The following LGSN variants were observed in gnomAD, a reference collection of about 807,000 sequenced individuals.
The protein encoded by LGSN is lengsin, lens protein with glutamine synthetase domain, also known as lengsin.
Under a neutral mutation model 19.5 loss-of-function variants are expected in LGSN, and 21 were observed. The observed-to-expected ratio is 1.07, with a 90% confidence interval of 0.76 to 1.55. The LOEUF (loss-of-function observed/expected upper bound fraction) is 1.55. Among genes scored for constraint, LGSN ranks in the 40% most tolerant of loss-of-function variants. The probability of loss-of-function intolerance (pLI) is 0.00; values close to 1 mark genes in which losing one functional copy is unlikely to be tolerated. For synonymous variants in LGSN, 257 were observed against 215.6 expected, an observed-to-expected ratio of 1.19 and a Z score of -1.68; for missense variants, 673 against 608.5, an observed-to-expected ratio of 1.11 and a Z score of -1.12.
In LGSN at chr6:63,285,666, C is replaced by A. The variant is rs770492942; in HGVS notation, c.251G>T (p.Arg84Leu). The A allele has an allele frequency of 3.7e-6, 6 of 1,613,674 alleles. No individual in the cohort carries two copies. In the African/African-American group the frequency reaches 6.7e-5, roughly 18 times the overall value. Reference protein sequence around the residue: ...KHIRQAMAKNRLQFVRFEATD... With the variant: ...KHIRQAMAKNLLQFVRFEATD... ...TGCTTCAAATCGTACAAACTGGAGG[C>A]GATTTTTGGCCATGGCTTGTCTAAT... Residue 84 changes from arginine (R) to leucine (L), a missense_variant, in exon 3 of 4, where the codon CGC becomes CTC. Physicochemically the swap from Arg to Leu is moderately radical, Grantham distance 102. Transcript: ENST00000370657.
intron 1 of LGSN, among the ~76,000 whole-genome samples, chr6:63,316,063 G>A (rs1183951536): frequency 6.6e-6 from 1 of 152,036 alleles, no homozygotes; most frequent in Non-Finnish European, 1.5e-5. Context: ...TCATCTCCAA[G>A]CACATTTGTG....
the LGSN span, among the ~76,000 whole-genome samples, chr6:63,404,288 A>C: frequency 0.11 from 17,479 of 152,116 alleles, 1,988 homozygotes; most frequent in African/African-American, 0.3. Context: ...AACTTTGATA[A>C]AAATGCGTTA....
the LGSN span, among the ~76,000 whole-genome samples, chr6:63,547,701 C>T: frequency 4.1e-5 from 6 of 147,822 alleles, no homozygotes; most frequent in Middle Eastern, 3.7e-3. Flanking sequence ...TCAGTAGAGA[C>T]GGGGTTTCAC....
chr6:63,504,752 T>C, the LGSN span, among the ~76,000 whole-genome samples: 15 of 152,316 alleles, frequency 9.8e-5, no homozygotes, highest in African/African-American at 3.4e-4. Flanking sequence ...CTGAAAATCA[T>C]TTTTTATGAC....
chr6:63,545,797 G>C, the LGSN span, among the ~76,000 whole-genome samples: 2 of 151,932 alleles, frequency 1.3e-5, no homozygotes, highest in Non-Finnish European at 2.9e-5. Flanking sequence ...ATTCATTCTA[G>C]CTTTCCCATG....
At chr6:63,375,238 T>C in the LGSN span, among the ~76,000 whole-genome samples, 2 of 152,040 alleles carry the variant, frequency 1.3e-5, no homozygotes, top group African/African-American at 2.4e-5. Flanking sequence ...CCAGAGCTGA[T>C]AAAAAGCAGT....
At chr6:63,336,228 GAA>G in the LGSN span, among the ~76,000 whole-genome samples, 1 of 152,184 alleles carries the variant, frequency 6.6e-6, no homozygotes, top group Non-Finnish European at 1.5e-5. Context: ...TAAAGAGCTA[GAA>G]GAGAGGACTT....
chr6:63,302,474 G>A (rs1768219562), intron 1 of LGSN, among the ~76,000 whole-genome samples: 1 of 152,184 alleles, frequency 6.6e-6, no homozygotes, highest in Non-Finnish European at 1.5e-5. Context: ...GATAACTCTA[G>A]AATGATATAC....
At chr6:63,539,246 T>A in the LGSN span, among the ~76,000 whole-genome samples, 1 of 152,202 alleles carries the variant, frequency 6.6e-6, no homozygotes, top group Non-Finnish European at 1.5e-5. Flanking sequence ...AGAATTTGTT[T>A]AAAATTACAT....
At chr6:63,370,165 C>G in the LGSN span, among the ~76,000 whole-genome samples, 1 of 152,158 alleles carries the variant, frequency 6.6e-6, no homozygotes, top group Non-Finnish European at 1.5e-5. Context: ...ACTATTCATG[C>G]CAGGTAACAT....
At chr6:63,289,829 G>A (rs1355380076) in intron 2 of LGSN, among the ~76,000 whole-genome samples, 1 of 152,024 alleles carries the variant, frequency 6.6e-6, no homozygotes, top group Non-Finnish European at 1.5e-5. Context: ...GAAAACTCTG[G>A]AATACATTCA....
chr6:63,545,553 G>A, the LGSN span, among the ~76,000 whole-genome samples: 18 of 152,118 alleles, frequency 1.2e-4, no homozygotes, highest in Admixed American at 1.0e-3. Flanking sequence ...AGAGGTTGCA[G>A]TGAGCCGAGA....
chr6:63,474,702 A>G, the LGSN span, among the ~76,000 whole-genome samples: 1 of 151,516 alleles, frequency 6.6e-6, no homozygotes, highest in African/African-American at 2.4e-5. Flanking sequence ...CAGGAGGATC[A>G]CCTGAGGTCA....
intron 1 of LGSN, among the ~76,000 whole-genome samples, chr6:63,300,643 G>A (rs888470560): frequency 3.9e-5 from 6 of 152,078 alleles, no homozygotes; most frequent in Non-Finnish European, 7.3e-5. Context: ...TCCAATCTGG[G>A]TGACAAAGCA....
chr6:63,542,214 C>T, the LGSN span, among the ~76,000 whole-genome samples: 1 of 151,884 alleles, frequency 6.6e-6, no homozygotes, highest in African/African-American at 2.4e-5. Flanking sequence ...TAAGTGGGAG[C>T]TAAGCTATGA....
the LGSN span, among the ~76,000 whole-genome samples, chr6:63,452,490 C>T: frequency 6.6e-6 from 1 of 152,092 alleles, no homozygotes; most frequent in African/African-American, 2.4e-5. Flanking sequence ...TTTTCTGTCT[C>T]TTCTTGAGTA....
At chr6:63,348,244 A>G in the LGSN span, among the ~76,000 whole-genome samples, 1 of 152,196 alleles carries the variant, frequency 6.6e-6, no homozygotes, top group Non-Finnish European at 1.5e-5. Flanking sequence ...ACCTGAGGTC[A>G]GGAGTTCGAG....
the LGSN span, among the ~76,000 whole-genome samples, chr6:63,527,666 C>CA: frequency 6.6e-6 from 1 of 152,128 alleles, no homozygotes; most frequent in African/African-American, 2.4e-5. Flanking sequence ...CTTAAGTAAC[C>CA]ATGTCCAAGG....
chr6:63,473,178 A>G, the LGSN span, among the ~76,000 whole-genome samples: 1 of 151,670 alleles, frequency 6.6e-6, no homozygotes. Flanking sequence ...CTTCATTAAA[A>G]AATCTTTTAG....
Sources: gnomAD v4.1 joint callset for allele counts (sites outside exome capture counted in the v4.1 genomes callset) on GRCh38, gnomAD v4.1.1 for gene constraint, MANE v1.5 for transcripts, NCBI Gene and HGNC (gene_info 2026-07-23, HGNC 2026-07-21) for gene names.